Variants in CNTNAP2 observed in about 807,000 individuals in gnomAD.
CNTNAP2 encodes contactin-associated protein-like 2.
In CNTNAP2, 98 loss-of-function variants were observed where a neutral mutation model predicts 155.2. That is an observed-to-expected ratio of 0.63 (90% CI 0.54 to 0.75). The LOEUF is 0.75. CNTNAP2 is among the 30% of genes least tolerant of loss of function. The pLI, the probability that CNTNAP2 is intolerant of heterozygous loss-of-function variation, is 0.00. For synonymous variants in CNTNAP2, 651 were observed against 631.2 expected, an observed-to-expected ratio of 1.03 and a Z score of -0.47; for missense variants, 1,727 against 1,688.1, an observed-to-expected ratio of 1.02 and a Z score of -0.40.
At chr7:147,924,951 A>G (rs1800358400) in intron 14 of CNTNAP2, among the ~76,000 whole-genome samples, 2 of 151,534 alleles carry the variant, frequency 1.3e-5, no homozygotes, top group African/African-American at 4.9e-5. Context: ...TCCCGTCTCT[A>G]CAAAAAATAC....
intron 15 of CNTNAP2, among the ~76,000 whole-genome samples, chr7:148,027,987 G>A (rs1054989141): frequency 2.0e-5 from 3 of 151,988 alleles, no homozygotes; most frequent in African/African-American, 2.4e-5. Flanking sequence ...ATATCAAATC[G>A]AGGCATGTAG....
intron 1 of CNTNAP2, among the ~76,000 whole-genome samples, chr7:146,479,202 T>A (rs1309259691): frequency 6.6e-6 from 1 of 152,188 alleles, no homozygotes; most frequent in African/African-American, 2.4e-5. Context: ...TACTCATCAT[T>A]GCTTTTAGAA....
At chr7:146,915,396 T>G (rs375134207) in intron 3 of CNTNAP2, among the ~76,000 whole-genome samples, 11 of 152,300 alleles carry the variant, frequency 7.2e-5, no homozygotes, top group African/African-American at 2.2e-4. Flanking sequence ...TGTAACTTGC[T>G]TTTGGCAGTA....
chr7:146,772,379 C>T (rs1323739134), intron 1 of CNTNAP2, among the ~76,000 whole-genome samples: 1 of 151,700 alleles, frequency 6.6e-6, no homozygotes, highest in African/African-American at 2.4e-5. Flanking sequence ...AGAGGAGGGG[C>T]CAGGTGCGGT....
At chr7:147,724,728 T>G (rs939016493) in intron 13 of CNTNAP2, among the ~76,000 whole-genome samples, 2 of 151,986 alleles carry the variant, frequency 1.3e-5, no homozygotes, top group Non-Finnish European at 2.9e-5. Context: ...TATATTACAC[T>G]GCGGAAGCTA....
chr7:146,736,180 T>C (rs1264617583), intron 1 of CNTNAP2, among the ~76,000 whole-genome samples: 1 of 152,116 alleles, frequency 6.6e-6, no homozygotes, highest in South Asian at 2.1e-4. Flanking sequence ...ATAGGTTATA[T>C]GCAAACACTG....
chr7:147,503,861 T>C (rs1193967754), intron 11 of CNTNAP2, among the ~76,000 whole-genome samples: 1 of 152,182 alleles, frequency 6.6e-6, no homozygotes, highest in African/African-American at 2.4e-5. Flanking sequence ...ATAGTCTTTG[T>C]TGATTAAATT....
At chr7:146,525,889 A>G (rs801955) in intron 1 of CNTNAP2, among the ~76,000 whole-genome samples, 5,385 of 152,206 alleles carry the variant, frequency 0.035, 307 homozygotes, top group African/African-American at 0.12. Flanking sequence ...TAAATGTGAC[A>G]CAAATCCAGT....
At chr7:147,635,407 A>C (rs1443623237) in intron 12 of CNTNAP2, among the ~76,000 whole-genome samples, 1 of 151,988 alleles carries the variant, frequency 6.6e-6, no homozygotes, top group Non-Finnish European at 1.5e-5. Flanking sequence ...TACAGGCATG[A>C]GCCACCACAC....
intron 1 of CNTNAP2, among the ~76,000 whole-genome samples, chr7:146,386,868 A>G (rs540486557): frequency 6.6e-6 from 1 of 152,312 alleles, no homozygotes; most frequent in South Asian, 2.1e-4. Flanking sequence ...CCTCTTTGAA[A>G]TAGTGTGCCC....
intron 8 of CNTNAP2, among the ~76,000 whole-genome samples, chr7:147,148,889 A>T (rs1801769739): frequency 6.6e-6 from 1 of 152,206 alleles, no homozygotes; most frequent in Non-Finnish European, 1.5e-5. Flanking sequence ...GGTCTCACTG[A>T]CTTCAGGAAT....
At chr7:147,214,813 A>G (rs1467262942) in intron 8 of CNTNAP2, among the ~76,000 whole-genome samples, 2 of 152,120 alleles carry the variant, frequency 1.3e-5, no homozygotes, top group African/African-American at 4.8e-5. Flanking sequence ...GCTATGAAGA[A>G]CTACTTGAGA....
chr7:147,766,383 T>C (rs1353267557), intron 13 of CNTNAP2, among the ~76,000 whole-genome samples: 2 of 152,328 alleles, frequency 1.3e-5, no homozygotes, highest in Admixed American at 1.3e-4. Flanking sequence ...ACATAATTTT[T>C]TGATATTGCT....
chr7:147,943,036 CA>C (rs879538481), intron 14 of CNTNAP2, among the ~76,000 whole-genome samples: 368 of 141,112 alleles, frequency 2.6e-3, no homozygotes, highest in East Asian at 0.022. Flanking sequence ...GACTCCATCT[CA>C]AAAAAAAAAA....
intron 12 of CNTNAP2, among the ~76,000 whole-genome samples, chr7:147,617,434 T>C (rs1367206295): frequency 1.3e-5 from 2 of 152,204 alleles, no homozygotes; most frequent in Non-Finnish European, 2.9e-5. Flanking sequence ...GGCTTGTGGA[T>C]GCATGAATGA....
chr7:146,633,832 G>GAAAAAAAAAAAAAAAAAAA lies in CNTNAP2; in HGVS notation c.98-140433_98-140415dup, dbSNP rs60993956. On this transcript the variant is annotated intron_variant, in intron 1 of 23. Coordinates refer to ENST00000361727, the MANE Select transcript of CNTNAP2 (RefSeq NM_014141.6). ...GCAACAGAGCGAGACTGCATCTAGAGAAAAAAAAAAAAAAAAAAAAAAAAC... is the reference window on the plus strand; with the variant it reads ...GCAACAGAGCGAGACTGCATCTAGAGAAAAAAAAAAAAAAAAAAAAAAAAAAAAAAAAAAAAAAAAAAAC... Among the ~76,000 whole-genome samples, 23 of 79,032 alleles carry GAAAAAAAAAAAAAAAAAAA rather than the reference G, an allele frequency of 2.9e-4. 2 individuals carry two copies. Among genetic ancestry groups the GAAAAAAAAAAAAAAAAAAA allele is most frequent in the African/African-American group, 8.4e-4 (14 of 16,632 alleles). The allele number at this position is 79,032 out of a possible 152,430, so 51.8% of individuals were successfully genotyped here. A position where few individuals can be genotyped will look rare whatever the true frequency, so the allele number is the denominator to read the frequency against.
At chr7:148,135,125 A>T (rs1321833318) in intron 16 of CNTNAP2, among the ~76,000 whole-genome samples, 1 of 152,150 alleles carries the variant, frequency 6.6e-6, no homozygotes, top group East Asian at 1.9e-4. Context: ...ATAATTTTAT[A>T]TTTAGAAAGA....
At chr7:146,673,254 C>A (rs954984652) in intron 1 of CNTNAP2, among the ~76,000 whole-genome samples, 1 of 152,142 alleles carries the variant, frequency 6.6e-6, no homozygotes, top group Non-Finnish European at 1.5e-5. Flanking sequence ...GTAAGCAATC[C>A]ATTCTGTTTT....
intron 13 of CNTNAP2, among the ~76,000 whole-genome samples, chr7:147,880,270 G>A (rs1799496063): frequency 6.6e-6 from 1 of 152,192 alleles, no homozygotes; most frequent in Non-Finnish European, 1.5e-5. Flanking sequence ...ACAAAGTTTT[G>A]TGTATGACAA....
Sources: allele counts gnomAD v4.1 joint callset (sites outside exome capture counted in the v4.1 genomes callset), GRCh38; gene constraint gnomAD v4.1.1; transcripts MANE v1.5; gene names NCBI Gene and HGNC (gene_info 2026-07-23, HGNC 2026-07-21).